Variants in UBR4 observed in about 807,000 individuals in gnomAD.
UBR4 encodes E3 ubiquitin-protein ligase UBR4.
A neutral mutation model predicts 575.6 loss-of-function variants in UBR4; 124 were observed. The observed-to-expected ratio is 0.22, with a 90% CI of 0.19 to 0.25. The LOEUF is 0.25. Ranked by LOEUF, UBR4 falls within the 10% of genes least tolerant of loss-of-function variation. UBR4 has a pLI of 1.00. For missense variants in UBR4, 4,818 were observed against 6,478.8 expected, an observed-to-expected ratio of 0.74 and a Z score of 8.80; for synonymous variants, 2,455 against 2,473.7, an observed-to-expected ratio of 0.99 and a Z score of 0.22.
chr1:19,163,724 T>C, intron 34 of UBR4, 40 bp downstream of exon 34: 2 of 1,605,254 alleles, frequency 1.2e-6, no homozygotes, highest in Non-Finnish European at 8.5e-7. Context: ...GAGAATCACC[T>C]TTCCCTTCAC....
At position 19,210,129 on chromosome 1, in the gene UBR4, G is replaced by T. The variant is rs1289545120; in HGVS notation, c.120C>A (p.Ser40=). ...EVAVRPLLSA[S]YSAFEMKELP... ...ACTCCTTCATCTCGAAGGCGGAGTA[G>T]GACGCGGACAGCAGGGGCCGCACAG... The change falls in exon 1 of 106, where the codon TCC becomes TCA. Residue 40 remains serine, a synonymous_variant. Coordinates refer to ENST00000375254, the MANE Select transcript of UBR4 (RefSeq NM_020765.3). The T allele has an allele frequency of 6.3e-7, 1 of 1,586,368 alleles. No individual in the cohort carries two copies. Among genetic ancestry groups the T allele is most frequent in the East Asian group, 2.4e-5 (1 of 41,246 alleles).
chr1:19,148,215 C>T, intron 50 of UBR4, 88 bp from the exon 51 acceptor site: 2 of 1,480,784 alleles, frequency 1.4e-6, no homozygotes, highest in Non-Finnish European at 1.8e-6. Flanking sequence ...TTCCTTCCTT[C>T]TAGGCCACCA....
chr1:19,079,707 C>T (rs2076299378), intron 103 of UBR4: 1 of 152,400 alleles, frequency 6.6e-6, no homozygotes, highest in South Asian at 2.1e-4. Flanking sequence ...GGTCTCTCCC[C>T]CATGGGTCTC....
intron 78 of UBR4, among the ~76,000 whole-genome samples, chr1:19,111,069 GCAC>G (rs1176976348): frequency 1.3e-5 from 2 of 152,176 alleles, no homozygotes; most frequent in African/African-American, 4.8e-5. Context: ...GGGAAGAGCA[GCAC>G]CACCTTATGG....
chr1:19,139,257 C>CA lies in UBR4; in HGVS notation c.8594-38dup. ...ACGAGAGCTGTTACAGGTTAAAAAA[C>CA]AAACAAACAAACAAACAAACAAAAA... On this transcript the variant is annotated intron_variant, in intron 58 of 105. Coordinates refer to ENST00000375254, the MANE Select transcript of UBR4 (RefSeq NM_020765.3). The surrounding 1 kb of genome is among the most constrained non-coding windows in gnomAD (Gnocchi z 4.2). 1 of 1,506,564 alleles carries CA rather than the reference C, an allele frequency of 6.6e-7. No individual in the cohort carries two copies. Among genetic ancestry groups the CA allele is most frequent in the Non-Finnish European group, 8.9e-7 (1 of 1,124,280 alleles). The allele number at this position is 1,506,564 out of a possible 1,614,324, so 93.3% of individuals were successfully genotyped here.
intron 6 of UBR4, 21 bp downstream of exon 6, chr1:19,197,926 G>A (rs369275374): frequency 8.4e-5 from 135 of 1,613,582 alleles, no homozygotes; most frequent in Non-Finnish European, 1.1e-4. Context: ...TCAGCTTTCT[G>A]ATAACAGTTG....
chr1:19,126,355 C>T (rs1570798593), intron 64 of UBR4, 91 bp downstream of exon 64: 1 of 1,499,020 alleles, frequency 6.7e-7, no homozygotes, highest in East Asian at 2.3e-5. Context: ...GGCTCTTCAC[C>T]CTCAGCCCCT....
Position 19,197,560 on chromosome 1 carries a change from G to A in UBR4, c.893+110C>T, listed in dbSNP as rs565512542. 585 of 1,445,920 alleles carry A rather than the reference G, an allele frequency of 4.0e-4. 2 individuals are homozygous for A. Among genetic ancestry groups the A allele is most frequent in the Non-Finnish European group, 5.1e-4 (542 of 1,072,950 alleles). The allele number at this position is 1,445,920 out of a possible 1,614,324, so 89.6% of individuals were successfully genotyped here. On this transcript the variant is annotated intron_variant, in intron 7 of 105. Transcript: ENST00000375254. ...GGGAGAACTGCTTGAACCAGGAGAC[G>A]AGGTTACAGTGAACCGAGACTGCAC...
Position 19,115,649 on chromosome 1 carries a change from A to G in UBR4, c.10824-12T>C. On this transcript the variant is annotated splice_polypyrimidine_tract_variant and intron_variant, in intron 73 of 105. Coordinates refer to ENST00000375254, the MANE Select transcript of UBR4 (RefSeq NM_020765.3). ...GCCAGCGAGCTGGCCTAGGAAAGAC[A>G]GACAGCCTTGAGATTTTCTCATCTA... is the stretch of plus-strand genomic sequence containing the variant. 6.2e-7 allele frequency: 1 copy of G among 1,613,626 alleles called. No individual in the cohort carries two copies. Among genetic ancestry groups the G allele is most frequent in the Non-Finnish European group, 8.5e-7 (1 of 1,179,700 alleles).
At chr1:19,112,474 C>T in intron 78 of UBR4, 50 bp downstream of exon 78, 2 of 1,548,780 alleles carry the variant, frequency 1.3e-6, no homozygotes, top group African/African-American at 1.4e-5. Flanking sequence ...GGCATGGCTG[C>T]CAGTGTCAGT....
At chr1:19,144,610 T>C (rs1330489331) in intron 54 of UBR4, among the ~76,000 whole-genome samples, 176 bp downstream of exon 54, 1 of 152,246 alleles carries the variant, frequency 6.6e-6, no homozygotes, top group Non-Finnish European at 1.5e-5. Context: ...GCCCATCCCC[T>C]TTCCAAATCT....
At chr1:19,200,143 T>C (rs1377937456) in intron 2 of UBR4, among the ~76,000 whole-genome samples, 1 of 152,182 alleles carries the variant, frequency 6.6e-6, no homozygotes, top group Non-Finnish European at 1.5e-5. Flanking sequence ...AGTCAGCCTC[T>C]AGAGTTCATG....
rs1172116252 is a variant in UBR4 at position 19,174,372 on chromosome 1, C to G, written c.2929G>C (p.Gly977Arg). The G allele has an allele frequency of 1.9e-6, 3 of 1,613,448 alleles. No homozygotes were observed. The highest frequency in any genetic ancestry group is 2.5e-6 in the Non-Finnish European group (3 of 1,179,968). ...CTCCTAACTGTATCAAGCTGGGACC[C>G]AGCTGCAAGCAGGGCTGTCAGTGCA... ...YAALTALLAA[G>R]SQLDTVRRKE... The change falls in exon 22 of 106, where the codon GGG (glycine) becomes CGG (arginine). Residue 977 changes from glycine (G) to arginine (R), a missense_variant. Around this residue, in one of 29 missense-constraint regions of UBR4, gnomAD observed 1,172 missense variants for 1,259.7 expected, o/e 0.93. Coordinates refer to ENST00000375254, the MANE Select transcript of UBR4 (RefSeq NM_020765.3).
In UBR4 at chr1:19,150,623, T is replaced by C; in HGVS notation, c.7384A>G (p.Ser2462Gly). ...NLNQSNGTGD[S>G]DSAAPTTTSG... ...GTCGTAGTGGGGGCAGCTGAGTCGC[T>C]ATCTCCAGTGCCGTTGCTCTGGTTC... Residue 2462 changes from serine (S) to glycine (G), a missense_variant, in exon 49 of 106, where the codon AGC becomes GGC. Transcript: ENST00000375254. 2 of 1,613,956 alleles carry C rather than the reference T, an allele frequency of 1.2e-6. No homozygotes were observed.
Position 19,129,026 on chromosome 1 carries a change from C to T in UBR4, c.8955G>A (p.Leu2985=), listed in dbSNP as rs2082127929. The T allele has an allele frequency of 3.1e-6, 5 of 1,614,016 alleles. No homozygotes were observed. The African/African-American group carries it at 4.0e-5, about 13-fold the overall frequency. Residue 2985 remains leucine, a synonymous_variant, in exon 61 of 106, where the codon CTG becomes CTA. Coordinates refer to ENST00000375254, the MANE Select transcript of UBR4 (RefSeq NM_020765.3). The part of the protein sequence containing the change: ...LMLLERLLQT[L]PQLRNVGGVR... ...CACCGCCAACGTTTCGTAATTGAGG[C>T]AGGGTCTGCAGTAATCTCTCCAACA...
Position 19,093,263 on chromosome 1 carries a change from G to GA in UBR4, c.14111+49dup. ...CAAGATGCTGATGGAGAAGGAAAAG[G>GA]AAAGGGCAAAGCGAAGGCAAAGCAG... On this transcript the variant is annotated intron_variant, in intron 96 of 105. Coordinates refer to ENST00000375254, the MANE Select transcript of UBR4 (RefSeq NM_020765.3). This position sits in a 1 kb window ranked among gnomAD's most constrained non-coding sequence, Gnocchi z 4.8. 6.3e-7 allele frequency: 1 copy of GA among 1,589,452 alleles called. No individual in the cohort carries two copies. Among genetic ancestry groups the GA allele is most frequent in the Non-Finnish European group, 8.6e-7 (1 of 1,166,832 alleles).
intron 11 of UBR4, 30 bp downstream of exon 11, chr1:19,192,158 A>T (rs1356788278): frequency 6.3e-7 from 1 of 1,591,390 alleles, no homozygotes; most frequent in Non-Finnish European, 8.5e-7. Context: ...AATAAAACAA[A>T]ATATAAGTTA....
In UBR4 at chr1:19,076,787, T is replaced by C. The variant is rs1320715335; in HGVS notation, c.15440A>G (p.Glu5147Gly). 4 of 1,614,032 alleles carry C rather than the reference T, an allele frequency of 2.5e-6. No homozygotes were observed. In the South Asian group the frequency reaches 4.4e-5, roughly 18 times the overall value. ...GAAGGTCTCCACTGGCATGAACTCC[T>C]CCTGGAAGGTTTTCAGGGCTTTGTC... is the stretch of plus-strand genomic sequence containing the variant. ...AADKALKTFQEEFMPVETFSE... is the reference protein window; with the variant it reads ...AADKALKTFQGEFMPVETFSE... Residue 5147 changes from glutamate (E) to glycine (G), a missense_variant, in exon 105 of 106, where the codon GAG becomes GGG. Around this residue, in one of 29 missense-constraint regions of UBR4, gnomAD observed 212 missense variants for 221.3 expected, o/e 0.96. Transcript: ENST00000375254.
At position 19,167,203 on chromosome 1, in the gene UBR4, C is replaced by T. The variant is rs150292860; in HGVS notation, c.3928G>A (p.Val1310Ile). 5.9e-5 allele frequency: 95 copies of T among 1,614,078 alleles called. No homozygotes were observed. The highest frequency in any genetic ancestry group is 1.4e-5 in the Non-Finnish European group (17 of 1,180,046). The change falls in exon 29 of 106, where the codon GTA (valine) becomes ATA (isoleucine). Residue 1310 changes from valine (V) to isoleucine (I), a missense_variant. Transcript: ENST00000375254. ...AGAAGAGGTAGCAGTGTCCGAATTA[C>T]CTGTGGTGGGTTCATCTCATCTGAC... is the stretch of plus-strand genomic sequence containing the variant. ...VWSDEMNPPQ[V>I]IRTLLPLLLE...
Sources: allele counts gnomAD v4.1 joint callset (sites outside exome capture counted in the v4.1 genomes callset), GRCh38; gene constraint gnomAD v4.1.1; regional missense constraint gnomAD v4.1.1; non-coding constraint Gnocchi (gnomAD v3.1); transcripts MANE v1.5; gene names NCBI Gene and HGNC (gene_info 2026-07-23, HGNC 2026-07-21).